The following HPSE2 variants were observed in gnomAD, a reference collection of about 807,000 sequenced individuals.
The protein encoded by HPSE2 is heparanase 2 (inactive).
Under a neutral mutation model 60.5 loss-of-function variants are expected in HPSE2, and 38 were observed. That is an observed-to-expected ratio of 0.63 (90% CI 0.48 to 0.82). The LOEUF (loss-of-function observed/expected upper bound fraction) is 0.82, where lower values mean the gene tolerates loss of function less well. Among genes scored for constraint, HPSE2 ranks in the 40% least tolerant of loss-of-function variants. The pLI, the probability that HPSE2 is intolerant of heterozygous loss-of-function variation, is 0.00. For synonymous variants in HPSE2, 295 were observed against 293.2 expected, an observed-to-expected ratio of 1.01 and a Z score of -0.06; for missense variants, 713 against 740.4, an observed-to-expected ratio of 0.96 and a Z score of 0.43.
chr10:98,800,633 G>T (rs1203455521), intron 3 of HPSE2, among the ~76,000 whole-genome samples: 2 of 151,654 alleles, frequency 1.3e-5, no homozygotes, highest in African/African-American at 4.8e-5. Flanking sequence ...AGCAGAAATA[G>T]ACAAATTCCT....
chr10:98,544,630 G>A (rs1224255270), intron 9 of HPSE2, among the ~76,000 whole-genome samples: 12 of 145,302 alleles, frequency 8.3e-5, no homozygotes, highest in South Asian at 6.6e-4. Context: ...GGAGAATGGC[G>A]TGAACCCAGG....
chr10:98,803,043 G>A (rs1454830340), intron 3 of HPSE2, among the ~76,000 whole-genome samples: 2 of 150,154 alleles, frequency 1.3e-5, no homozygotes. Flanking sequence ...TCTCATTGTG[G>A]TTTTGATTTG....
chr10:99,170,126 T>C (rs761155258), intron 2 of HPSE2, among the ~76,000 whole-genome samples: 3 of 152,050 alleles, frequency 2.0e-5, no homozygotes, highest in Non-Finnish European at 4.4e-5. Context: ...TTCACAGATA[T>C]GAAAACTGGG....
At chr10:99,054,111 A>T (rs980209765) in intron 3 of HPSE2, among the ~76,000 whole-genome samples, 20 of 152,124 alleles carry the variant, frequency 1.3e-4, no homozygotes, top group African/African-American at 4.6e-4. Flanking sequence ...GGCTGGTGAA[A>T]GTCACTGTAA....
chr10:98,570,796 C>T (rs975165949), intron 9 of HPSE2, among the ~76,000 whole-genome samples: 1 of 146,924 alleles, frequency 6.8e-6, no homozygotes, highest in African/African-American at 2.5e-5. Context: ...TTATAACACG[C>T]ACCTCATGTC....
At chr10:98,686,223 T>A (rs976003142) in intron 6 of HPSE2, among the ~76,000 whole-genome samples, 1 of 152,182 alleles carries the variant, frequency 6.6e-6, no homozygotes, top group Admixed American at 6.5e-5. Flanking sequence ...AATAGCTTCT[T>A]CAGATAGAAA....
chr10:99,031,621 A>G (rs530524657), intron 3 of HPSE2, among the ~76,000 whole-genome samples: 1 of 152,290 alleles, frequency 6.6e-6, no homozygotes, highest in South Asian at 2.1e-4. Flanking sequence ...ACTAAAATGG[A>G]GGTATGATTG....
At chr10:98,821,371 G>C (rs997552642) in intron 3 of HPSE2, among the ~76,000 whole-genome samples, 1 of 152,102 alleles carries the variant, frequency 6.6e-6, no homozygotes, top group Admixed American at 6.5e-5. Context: ...AAATACTGTA[G>C]GTAATTATAG....
Position 99,235,685 on chromosome 10 carries a change from G to C in HPSE2, c.118C>G (p.Gln40Glu). The C allele has an allele frequency of 2.5e-6, 4 of 1,614,022 alleles. No individual in the cohort carries two copies. The highest frequency in any genetic ancestry group is 3.4e-6 in the Non-Finnish European group (4 of 1,180,006). The change falls in exon 1 of 12, where the codon CAG becomes GAG. Residue 40 changes from glutamine to glutamate, a missense_variant. Gln to Glu is a conservative substitution (Grantham distance 29). Coordinates refer to ENST00000370552, the MANE Select transcript of HPSE2 (RefSeq NM_021828.5). ...ALLLHLSLSS[Q>E]AGDRRPLPVD... ...GGCAAGGGTCTCCTGTCTCCAGCCT[G>C]GGAGGAAAGGGAGAGATGGAGCAAC...
intron 3 of HPSE2, among the ~76,000 whole-genome samples, chr10:98,943,558 T>A (rs939127929): frequency 6.6e-6 from 1 of 152,070 alleles, no homozygotes; most frequent in Non-Finnish European, 1.5e-5. Flanking sequence ...AAATAACACA[T>A]GGTGTGTCAC....
chr10:98,695,403 T>C (rs1025696368), intron 5 of HPSE2, among the ~76,000 whole-genome samples: 1 of 152,048 alleles, frequency 6.6e-6, no homozygotes, highest in African/African-American at 2.4e-5. Context: ...AAATGACACA[T>C]GGGAATGATC....
Position 98,777,074 on chromosome 10 carries a change from A to C in HPSE2, c.611-33018T>G, listed in dbSNP as rs114352682. On this transcript the variant is annotated intron_variant, in intron 3 of 11. Coordinates refer to ENST00000370552, the MANE Select transcript of HPSE2 (RefSeq NM_021828.5). Reference sequence around the variant, plus strand: ...TAAAAAGTTAAGAAGAAAAAATAAGAAGAAAGAAAAGATCTTTGCCAGTCA... The same window carrying C: ...TAAAAAGTTAAGAAGAAAAAATAAGCAGAAAGAAAAGATCTTTGCCAGTCA... 5.9e-3 allele frequency among the ~76,000 whole-genome samples: 902 copies of C among 152,356 alleles called. 8 individuals are homozygous for C. Among genetic ancestry groups the C allele is most frequent in the African/African-American group, 0.02 (846 of 41,588 alleles).
At chr10:98,694,603 C>T (rs112120895) in intron 5 of HPSE2, among the ~76,000 whole-genome samples, 2,612 of 152,290 alleles carry the variant, frequency 0.017, 33 homozygotes, top group Middle Eastern at 0.041. Context: ...CAGTTAAGCA[C>T]ACATCAAAGC....
chr10:99,306,783 C>T, the HPSE2 span, among the ~76,000 whole-genome samples: 4 of 152,194 alleles, frequency 2.6e-5, no homozygotes, highest in African/African-American at 9.6e-5. Flanking sequence ...GATCTCGGCT[C>T]ACTGCAACCT....
chr10:98,926,573 A>T (rs1397501978), intron 3 of HPSE2, among the ~76,000 whole-genome samples: 1 of 152,136 alleles, frequency 6.6e-6, no homozygotes, highest in Non-Finnish European at 1.5e-5. Context: ...TGTCTGCCTA[A>T]ATACCTTTTT....
intron 11 of HPSE2, among the ~76,000 whole-genome samples, chr10:98,464,641 C>A (rs909758978): frequency 4.6e-5 from 7 of 152,166 alleles, no homozygotes; most frequent in Non-Finnish European, 1.0e-4. Flanking sequence ...ATCCTCAATG[C>A]CTAAAGAGGT....
At chr10:98,807,293 A>G (rs1055728545) in intron 3 of HPSE2, among the ~76,000 whole-genome samples, 1 of 152,258 alleles carries the variant, frequency 6.6e-6, no homozygotes, top group Non-Finnish European at 1.5e-5. Flanking sequence ...GTTCAATGAC[A>G]TTAACTACAT....
At chr10:98,518,554 A>T (rs959324909) in intron 9 of HPSE2, among the ~76,000 whole-genome samples, 1 of 152,080 alleles carries the variant, frequency 6.6e-6, no homozygotes, top group Non-Finnish European at 1.5e-5. Context: ...AAAAATGAAA[A>T]AAAATTAGCT....
intron 3 of HPSE2, among the ~76,000 whole-genome samples, chr10:98,861,974 T>C (rs1314066572): frequency 6.6e-6 from 1 of 152,102 alleles, no homozygotes; most frequent in Non-Finnish European, 1.5e-5. Context: ...GAATAGTGAG[T>C]TGTCCAGTAA....
Sources: allele counts gnomAD v4.1 joint callset (sites outside exome capture counted in the v4.1 genomes callset), GRCh38; gene constraint gnomAD v4.1.1; transcripts MANE v1.5; gene names NCBI Gene and HGNC (gene_info 2026-07-23, HGNC 2026-07-21).